Variants in CD300E observed in about 807,000 individuals in gnomAD.
CD300E encodes CMRF35-like molecule 2.
A neutral mutation model predicts 20.9 loss-of-function variants in CD300E; 14 were observed. That is an observed-to-expected ratio of 0.67 (90% CI 0.44 to 1.05). CD300E has a LOEUF of 1.05. Ranked by LOEUF, CD300E falls within the 50% of genes least tolerant of loss-of-function variation. The pLI is 0.00. For synonymous variants in CD300E, 102 were observed against 103.7 expected (o/e 0.98, Z 0.10); for missense variants, 237 against 253.9 (o/e 0.93, Z 0.45).
intron 1 of CD300E, among the ~76,000 whole-genome samples, chr17:74,621,199 A>C (rs2031014986): frequency 6.6e-6 from 1 of 152,228 alleles, no homozygotes; most frequent in Non-Finnish European, 1.5e-5. Context: ...TTTCATGCAA[A>C]GTATTGGCAG....
At chr17:74,619,245 G>T in intron 1 of CD300E, 1 of 435,694 alleles carries the variant, frequency 2.3e-6, no homozygotes, top group Non-Finnish European at 4.7e-6. Flanking sequence ...CAAGAGTCTG[G>T]TGATGGAGCC....
chr17:74,622,727 T>C (rs1449652280), intron 1 of CD300E, among the ~76,000 whole-genome samples: 3 of 126,134 alleles, frequency 2.4e-5, no homozygotes, highest in African/African-American at 9.3e-5. Flanking sequence ...TTAAGGTAGA[T>C]GTTGAGGATG....
rs142905826 is a variant in CD300E, at chr17:74,611,095, C to A, written c.*1558G>T. 6.6e-6 allele frequency: 1 copy of A among 152,210 alleles called. No individual in the cohort carries two copies. The highest frequency in any genetic ancestry group is 1.5e-5 in the Non-Finnish European group (1 of 68,028). 9.4% of individuals were successfully genotyped at this position (152,210 alleles called of 1,614,324 possible). A position where few individuals can be genotyped will look rare whatever the true frequency, so the allele number is the denominator to read the frequency against. On this transcript the variant is annotated 3_prime_UTR_variant, in exon 4 of 4. Transcript: ENST00000392619. ...TTCCTATGCTGTAATGACTTGGGAG[C>A]TTATCCTTCTCATAAAATGAATCAT...
rs761335794 is a variant in CD300E, at chr17:74,617,161, C to T, written c.345G>A (p.Trp115Ter). 1.2e-6 allele frequency: 2 copies of T among 1,614,222 alleles called. No homozygotes were observed. The highest frequency in any genetic ancestry group is 1.3e-5 in the African/African-American group (1 of 75,044). The change falls in exon 2 of 4, where the codon TGG becomes TGA. Residue 115 changes from tryptophan (W) to a stop codon, truncating the protein, a stop_gained. Transcript: ENST00000392619. LOFTEE classifies it high-confidence loss of function. Reference protein sequence around the residue: ...KIQTVWVLDSWSRDPSDLVRV... With the variant: ...KIQTVWVLDS The stretch of plus-strand genomic sequence containing the variant: ...TAACCAGGTCCGAGGGATCGCGTGA[C>T]CATGAATCCAGGACCCACACTGTCT...
At position 74,613,825 on chromosome 17, in the gene CD300E, A is replaced by G. The variant is rs535534979; in HGVS notation, c.497+100T>C. On this transcript the variant is annotated intron_variant, in intron 3 of 3. Coordinates refer to ENST00000392619, the MANE Select transcript of CD300E (RefSeq NM_181449.3). ...ATCAGGACCAGAGATGGAGAGAAAC[A>G]GCAGACAGTGACGATCTCAGGTCAC... 67 of 694,800 alleles carry G rather than the reference A, an allele frequency of 9.6e-5. No homozygotes were observed. The African/African-American group carries it at 1.1e-3, about 12-fold the overall frequency. The allele number at this position is 694,800 out of a possible 1,614,324, so 43.0% of individuals were successfully genotyped here.
chr17:74,611,911 A>T lies in CD300E; in HGVS notation c.*742T>A, dbSNP rs1251924620. The T allele has an allele frequency of 1.3e-5, 2 of 152,270 alleles. No individual in the cohort carries two copies. Among genetic ancestry groups the T allele is most frequent in the African/African-American group, 4.8e-5 (2 of 41,422 alleles). The allele number at this position is 152,270 out of a possible 1,614,324, so 9.4% of individuals were successfully genotyped here. On this transcript the variant is annotated 3_prime_UTR_variant, in exon 4 of 4. Transcript: ENST00000392619. Reference sequence around the variant, plus strand: ...GAGAAGGGGCCTTAAAGCCAGGGAGACCCAAGGGGCGTCAGAAGACGAGAG... The same window carrying T: ...GAGAAGGGGCCTTAAAGCCAGGGAGTCCCAAGGGGCGTCAGAAGACGAGAG...
intron 1 of CD300E, chr17:74,619,177 C>A: frequency 2.1e-6 from 1 of 469,932 alleles, no homozygotes; most frequent in South Asian, 1.6e-5. Context: ...CTGGACAGAG[C>A]TCAGGACTGC....
chr17:74,617,291 C>T lies in CD300E; in HGVS notation c.215G>A (p.Arg72Lys). 1 of 1,614,248 alleles carries T rather than the reference C, an allele frequency of 6.2e-7. No homozygotes were observed. The highest frequency in any genetic ancestry group is 8.5e-7 in the Non-Finnish European group (1 of 1,180,050). The change falls in exon 2 of 4, where the codon AGG becomes AAG. Residue 72 changes from arginine to lysine, a missense_variant. Transcript: ENST00000392619. ...VETKGEEKVERNGRVSIRDHP... is the reference protein window; with the variant it reads ...VETKGEEKVEKNGRVSIRDHP... ...GTCTCTGATGGACACGCGGCCATTC[C>T]TCTCCACCTTCTCTTCTCCCTTGGT...
chr17:74,614,772 G>A (rs530379), intron 2 of CD300E, among the ~76,000 whole-genome samples: 9,699 of 152,152 alleles, frequency 0.064, 383 homozygotes, highest in African/African-American at 0.11. Flanking sequence ...GTGAGCCACC[G>A]CGCCCGGCCC....
Position 74,610,152 on chromosome 17 carries a change from C to T in CD300E, c.*2501G>A, listed in dbSNP as rs570532281. ...TAAGTTCAATAGCCTCCTCTCAATC[C>T]CGGTCCTCCTCCACCTCTCTAGCTC... On this transcript the variant is annotated 3_prime_UTR_variant, in exon 4 of 4. Coordinates refer to ENST00000392619, the MANE Select transcript of CD300E (RefSeq NM_181449.3). 1 of 152,456 alleles carries T rather than the reference C, an allele frequency of 6.6e-6. No homozygotes were observed. The highest frequency in any genetic ancestry group is 2.1e-4 in the South Asian group (1 of 4,824). 9.4% of individuals were successfully genotyped at this position (152,456 alleles called of 1,614,324 possible).
rs2030799567 is a variant in CD300E, at chr17:74,612,251, C to CTCTCTCTG, written c.*401_*402insCAGAGAGA. 1 of 94,200 alleles carries CTCTCTCTG rather than the reference C, an allele frequency of 1.1e-5. No individual in the cohort carries two copies. The highest frequency in any genetic ancestry group is 3.0e-5 in the African/African-American group (1 of 32,820). The allele number at this position is 94,200 out of a possible 1,614,324, so 5.8% of individuals were successfully genotyped here. On this transcript the variant is annotated 3_prime_UTR_variant, in exon 4 of 4. Coordinates refer to ENST00000392619, the MANE Select transcript of CD300E (RefSeq NM_181449.3). ...TCTCTCTCTCTCTCTCTCTCTGTCT[C>CTCTCTCTG]TCTCTCTCTCTCTCTCTCTCTCTCT...
chr17:74,616,868 C>A (rs1347549176), intron 2 of CD300E, among the ~76,000 whole-genome samples: 1 of 152,146 alleles, frequency 6.6e-6, no homozygotes, highest in Non-Finnish European at 1.5e-5. Context: ...AAGGGGCCTC[C>A]TCCACGCTGG....
chr17:74,618,715 C>T (rs552970159), intron 1 of CD300E, among the ~76,000 whole-genome samples: 1 of 152,234 alleles, frequency 6.6e-6, no homozygotes, highest in African/African-American at 2.4e-5. Context: ...GCACACCTTC[C>T]TCACCCCACC....
In CD300E at chr17:74,617,336, G is replaced by A. The variant is rs868319145; in HGVS notation, c.170C>T (p.Ser57Leu). Residue 57 changes from serine (S) to leucine (L), a missense_variant, in exon 2 of 4, where the codon TCA becomes TTA. Coordinates refer to ENST00000392619, the MANE Select transcript of CD300E (RefSeq NM_181449.3). ...CTTGGTCTCCACAATGCTCTCACAT[G>A]ACGTGTCGTACTGTCCTCGGCACCA... ...KYWCRGQYDT[S>L]CESIVETKGE... 1.9e-6 allele frequency: 3 copies of A among 1,614,156 alleles called. No individual in the cohort carries two copies. In the South Asian group the frequency reaches 3.3e-5, roughly 18 times the overall value.
intron 2 of CD300E, among the ~76,000 whole-genome samples, chr17:74,616,186 A>G (rs1012142652): frequency 6.6e-6 from 1 of 152,140 alleles, no homozygotes; most frequent in African/African-American, 2.4e-5. Context: ...ATTGGCGGAA[A>G]TGGAGGGATC....
chr17:74,616,234 C>A (rs2030896365), intron 2 of CD300E, among the ~76,000 whole-genome samples: 1 of 151,946 alleles, frequency 6.6e-6, no homozygotes, highest in Non-Finnish European at 1.5e-5. Flanking sequence ...AGAATAGGGA[C>A]AATGGCATGA....
intron 1 of CD300E, among the ~76,000 whole-genome samples, chr17:74,622,218 C>T (rs1351792818): frequency 6.6e-6 from 1 of 151,450 alleles, no homozygotes; most frequent in East Asian, 1.9e-4. Context: ...GAGGGACCTG[C>T]GCAGGTCACA....
intron 1 of CD300E, among the ~76,000 whole-genome samples, chr17:74,618,431 T>C (rs1171443170): frequency 6.6e-6 from 1 of 152,050 alleles, no homozygotes; most frequent in Non-Finnish European, 1.5e-5. Context: ...GAGTTCACAA[T>C]AAGAGGATGA....
chr17:74,623,076 A>G (rs2031054073), intron 1 of CD300E, among the ~76,000 whole-genome samples: 1 of 152,168 alleles, frequency 6.6e-6, no homozygotes, highest in Non-Finnish European at 1.5e-5. Flanking sequence ...ACCCCTTTAC[A>G]CTAAGCTTCG....
Sources: allele counts gnomAD v4.1 joint callset (sites outside exome capture counted in the v4.1 genomes callset), GRCh38; gene constraint gnomAD v4.1.1; transcripts MANE v1.5; gene names NCBI Gene and HGNC (gene_info 2026-07-23, HGNC 2026-07-21).